The following LARP1 variants were observed in gnomAD, a reference collection of about 807,000 sequenced individuals.
LARP1 encodes la-related protein 1.
In LARP1, 36 loss-of-function variants were observed where a neutral mutation model predicts 122.7. The ratio of observed to expected loss-of-function variants is 0.29; its 90% CI spans 0.22 to 0.39. The LOEUF is 0.39. LARP1 is among the 10% of genes least tolerant of loss of function. The pLI, the probability that LARP1 is intolerant of heterozygous loss-of-function variation, is 1.00. For missense variants in LARP1, 1,040 were observed against 1,403.6 expected, an observed-to-expected ratio of 0.74 and a Z score of 4.14; for synonymous variants, 539 against 528.7, an observed-to-expected ratio of 1.02 and a Z score of -0.27.
At chr5:154,689,133 A>G (rs969790323) in intron 1 of LARP1, among the ~76,000 whole-genome samples, 3 of 151,912 alleles carry the variant, frequency 2.0e-5, no homozygotes, top group Admixed American at 2.0e-4. Flanking sequence ...AGCCTCGCCA[A>G]CATGGCAAAA....
At chr5:154,684,200 T>C (rs1753818422) in intron 1 of LARP1, among the ~76,000 whole-genome samples, 2 of 152,112 alleles carry the variant, frequency 1.3e-5, no homozygotes, top group African/African-American at 4.8e-5. Context: ...CCCAGCACTT[T>C]GGGAGGCCAA....
chr5:154,719,394 C>G (rs1327852965), intron 1 of LARP1, among the ~76,000 whole-genome samples: 1 of 152,174 alleles, frequency 6.6e-6, no homozygotes, highest in Non-Finnish European at 1.5e-5. Context: ...TCATGGATCC[C>G]TTGACAATCT....
chr5:154,719,059 G>A (rs1239554809), intron 1 of LARP1, among the ~76,000 whole-genome samples: 1 of 152,200 alleles, frequency 6.6e-6, no homozygotes, highest in East Asian at 1.9e-4. Context: ...CTGAGGCTGG[G>A]AAGGGCAATG....
chr5:154,732,120 G>A (rs1756611013), intron 1 of LARP1, among the ~76,000 whole-genome samples: 1 of 150,850 alleles, frequency 6.6e-6, no homozygotes, highest in Non-Finnish European at 1.5e-5. Flanking sequence ...GAGCCGAGAT[G>A]GTGCCACTGC....
chr5:154,763,741 C>T (rs1754672887), intron 1 of LARP1, among the ~76,000 whole-genome samples: 1 of 151,926 alleles, frequency 6.6e-6, no homozygotes, highest in Non-Finnish European at 1.5e-5. Flanking sequence ...GTGCCTCATG[C>T]CTGTAACCCC....
chr5:154,756,009 C>G lies in LARP1; in HGVS notation c.252C>G (p.Ala84=). The change falls in exon 1 of 19, where the codon GCC becomes GCG. Residue 84 remains alanine, a synonymous_variant. Transcript: ENST00000518297. ...ESPRPLQLPG[A]EGPAISDGEE... is the part of the protein sequence containing the mutation. ...CGCGGCCGCTGCAGCTGCCCGGCGCCGAAGGCCCGGCCATCAGCGACGGGG... is the reference window on the plus strand; with the variant it reads ...CGCGGCCGCTGCAGCTGCCCGGCGCGGAAGGCCCGGCCATCAGCGACGGGG... The G allele has an allele frequency of 9.8e-7, 1 of 1,020,538 alleles. No individual in the cohort carries two copies. The highest frequency in any genetic ancestry group is 1.2e-6 in the Non-Finnish European group (1 of 854,132). The allele number at this position is 1,020,538 out of a possible 1,614,324, so 63.2% of individuals were successfully genotyped here.
intron 1 of LARP1, among the ~76,000 whole-genome samples, chr5:154,695,589 G>A (rs1351156219): frequency 6.6e-6 from 1 of 151,612 alleles, no homozygotes; most frequent in African/African-American, 2.4e-5. Context: ...CCTGGGAGGC[G>A]GAGGTTGTAG....
At chr5:154,763,419 G>A (rs931689188) in intron 1 of LARP1, among the ~76,000 whole-genome samples, 12 of 151,758 alleles carry the variant, frequency 7.9e-5, no homozygotes, top group African/African-American at 1.5e-4. Flanking sequence ...CTCAGGAGAC[G>A]TTTAGCAACT....
chr5:154,757,204 T>G (rs1417714031), intron 1 of LARP1: 4 of 151,156 alleles, frequency 2.6e-5, no homozygotes, highest in Non-Finnish European at 5.9e-5. Context: ...GGGAGCGGCA[T>G]GTGACTGCCG....
chr5:154,815,264 A>C lies in LARP1; in HGVS notation c.*1168A>C, dbSNP rs1300742129. 6.6e-6 allele frequency: 1 copy of C among 152,278 alleles called. No homozygotes were observed. The highest frequency in any genetic ancestry group is 6.6e-5 in the Admixed American group (1 of 15,238). The allele number at this position is 152,278 out of a possible 1,614,324, so 9.4% of individuals were successfully genotyped here. ...CGTCCTGTGTCTGTACACTGCTGCC[A>C]CTGTTGTGTCCTCGCTCTGCTTGCT... On this transcript the variant is annotated 3_prime_UTR_variant, in exon 19 of 19. Transcript: ENST00000518297.
intron 1 of LARP1, among the ~76,000 whole-genome samples, chr5:154,744,616 A>ATTTTTTTTTTTTT (rs748853573): frequency 5.6e-5 from 4 of 71,966 alleles, no homozygotes; most frequent in Admixed American, 1.5e-4. Context: ...TGGATATGCA[A>ATTTTTTTTTTTTT]TTTTTTTTTT....
chr5:154,767,708 C>T (rs868355812), intron 1 of LARP1, among the ~76,000 whole-genome samples: 1 of 152,146 alleles, frequency 6.6e-6, no homozygotes, highest in Non-Finnish European at 1.5e-5. Context: ...AGAAGCAGAG[C>T]TCTCTCTGAT....
intron 1 of LARP1, among the ~76,000 whole-genome samples, chr5:154,747,855 C>T (rs1753282786): frequency 6.6e-6 from 1 of 151,908 alleles, no homozygotes; most frequent in African/African-American, 2.4e-5. Context: ...CAGAGTGAGA[C>T]TCCATCTCAA....
chr5:154,707,046 T>C (rs1156951882), intron 1 of LARP1, among the ~76,000 whole-genome samples: 1 of 152,248 alleles, frequency 6.6e-6, no homozygotes. Context: ...TTTGTCTGTC[T>C]CTTAATGGCT....
At chr5:154,786,520 T>A (rs1181769234) in intron 1 of LARP1, 1 of 455,448 alleles carries the variant, frequency 2.2e-6, no homozygotes, top group African/African-American at 2.0e-5. Context: ...AAGAAGACCC[T>A]CCTAGGGACT....
chr5:154,749,145 CCAT>C (rs1285458065), intron 1 of LARP1, among the ~76,000 whole-genome samples: 1 of 152,094 alleles, frequency 6.6e-6, no homozygotes, highest in Non-Finnish European at 1.5e-5. Context: ...GGGCCTGAGT[CCAT>C]CATAGAGCCA....
chr5:154,703,611 C>T (rs955545080), intron 1 of LARP1, among the ~76,000 whole-genome samples: 1 of 152,094 alleles, frequency 6.6e-6, no homozygotes, highest in Admixed American at 6.6e-5. Context: ...GAGACCTTGT[C>T]TCTAAAAAAC....
chr5:154,810,544 G>A (rs921249023), intron 16 of LARP1, among the ~76,000 whole-genome samples: 10 of 152,038 alleles, frequency 6.6e-5, no homozygotes, highest in Non-Finnish European at 1.3e-4. Context: ...CTGGAGTGCA[G>A]TGGCGCAATC....
At chr5:154,742,296 T>C (rs866671561) in intron 1 of LARP1, among the ~76,000 whole-genome samples, 42 of 152,258 alleles carry the variant, frequency 2.8e-4, no homozygotes, top group African/African-American at 9.4e-4. Flanking sequence ...GCATGGTGGC[T>C]CACACCTGTA....
Sources: allele counts gnomAD v4.1 joint callset (sites outside exome capture counted in the v4.1 genomes callset), GRCh38; gene constraint gnomAD v4.1.1; transcripts MANE v1.5; gene names NCBI Gene and HGNC (gene_info 2026-07-23, HGNC 2026-07-21).